HSPA12A: variants seen among roughly 807,000 people sequenced by gnomAD.
The protein encoded by HSPA12A is heat shock 70 kDa protein 12A.
In HSPA12A, 28 loss-of-function variants were observed where a neutral mutation model predicts 69.2. The ratio of observed to expected loss-of-function variants is 0.40; its 90% CI spans 0.30 to 0.55. The LOEUF is 0.55. Ranked by LOEUF, HSPA12A falls within the 20% of genes least tolerant of loss-of-function variation. HSPA12A has a pLI of 0.38. For missense variants in HSPA12A, 686 were observed against 900.7 expected (o/e 0.76, Z 3.05); for synonymous variants, 345 against 370.5 (o/e 0.93, Z 0.79).
At chr10:116,719,082 A>G (rs2133019624) in intron 1 of HSPA12A, among the ~76,000 whole-genome samples, 1 of 152,268 alleles carries the variant, frequency 6.6e-6, no homozygotes, top group Non-Finnish European at 1.5e-5. Flanking sequence ...CTGCCAAGAT[A>G]CTGCTGTGTC....
chr10:116,727,796 C>CA lies in HSPA12A; in HGVS notation c.40+14633dup, dbSNP rs1851021318. ...TTTTTTGGAAAGAGTCTTACTATGT[C>CA]ACCCAGGCTGGGGTGCAATGGCACA... On this transcript the variant is annotated intron_variant, in intron 1 of 11. Transcript: ENST00000369209. Among the ~76,000 whole-genome samples, 4 of 124,156 alleles carry CA rather than the reference C, an allele frequency of 3.2e-5. No homozygotes were observed. In the Admixed American group the frequency reaches 4.0e-4, roughly 12 times the overall value. The allele number at this position is 124,156 out of a possible 152,430, so 81.5% of individuals were successfully genotyped here.
exon 2 of HSPA12A, chr10:116,834,994 C>T (rs1244716141): frequency 1.6e-6 from 2 of 1,231,552 alleles, no homozygotes; most frequent in Non-Finnish European, 2.0e-6. Flanking sequence ...TTTACACCCA[C>T]AGAATCCGTA....
rs191811493 is a variant in HSPA12A at position 116,738,611 on chromosome 10, C to G, written c.40+3819G>C. Among the ~76,000 whole-genome samples the G allele has an allele frequency of 1.8e-3, 273 of 152,248 alleles. 2 individuals carry two copies. Among genetic ancestry groups the G allele is most frequent in the African/African-American group, 6.4e-3 (265 of 41,530 alleles). On this transcript the variant is annotated intron_variant, in intron 1 of 11. Coordinates refer to ENST00000369209, the MANE Select transcript of HSPA12A (RefSeq NM_025015.3). Reference sequence around the variant, plus strand: ...GAGGAGTCAATGAGATACAGGCATACAAAGCTGGCATATCGTAGGGCCTCA... The same window carrying G: ...GAGGAGTCAATGAGATACAGGCATAGAAAGCTGGCATATCGTAGGGCCTCA...
chr10:116,682,454 CTG>C, intron 7 of HSPA12A, among the ~76,000 whole-genome samples: 1 of 140,972 alleles, frequency 7.1e-6, no homozygotes, highest in African/African-American at 3.0e-5. Context: ...GGTAAATAGA[CTG>C]GGGGGGGGGG....
intron 6 of HSPA12A, among the ~76,000 whole-genome samples, chr10:116,690,428 C>T (rs549756853): frequency 2.6e-5 from 4 of 152,248 alleles, no homozygotes; most frequent in East Asian, 3.9e-4. Flanking sequence ...ATTGAATGAT[C>T]GCCGCCCTCT....
chr10:116,707,151 G>A lies in HSPA12A; in HGVS notation c.126+49C>T, dbSNP rs1638430. 9.3e-3 allele frequency: 9,490 copies of A among 1,017,812 alleles called. 246 individuals are homozygous for A. The highest frequency in any genetic ancestry group is 0.075 in the African/African-American group (2,801 of 37,144). The allele number at this position is 1,017,812 out of a possible 1,614,324, so 63.0% of individuals were successfully genotyped here. ...CACGTGTGCTCATGCGCACCCATGC[G>A]CGCACACACACACACACACACACAC... is the stretch of plus-strand genomic sequence containing the variant. On this transcript the variant is annotated intron_variant, in intron 2 of 11. Coordinates refer to ENST00000369209, the MANE Select transcript of HSPA12A (RefSeq NM_025015.3).
At chr10:116,811,750 C>T (rs931979607) in intron 2 of HSPA12A, among the ~76,000 whole-genome samples, 6 of 152,210 alleles carry the variant, frequency 3.9e-5, no homozygotes, top group African/African-American at 1.2e-4. Flanking sequence ...TGCCCATGAC[C>T]TCTGCACCCG....
chr10:116,709,659 G>A (rs1258075467), intron 1 of HSPA12A, among the ~76,000 whole-genome samples: 1 of 152,150 alleles, frequency 6.6e-6, no homozygotes, highest in East Asian at 1.9e-4. Context: ...AATTCACAGA[G>A]ACAGAAAGTA....
chr10:116,821,106 A>G (rs980855865), intron 2 of HSPA12A, among the ~76,000 whole-genome samples: 7 of 151,880 alleles, frequency 4.6e-5, no homozygotes, highest in African/African-American at 1.7e-4. Flanking sequence ...TCCTCTTGCC[A>G]CCCCACTTCC....
rs1195653315 is a variant in HSPA12A, at chr10:116,742,561, G to C, written c.-92C>G. ...CCGCGTCCGCGGCGGCGCTCGGGCC[G>C]TGTCTGAGCCGCCGGGCAGCGGGAG... is the stretch of plus-strand genomic sequence containing the variant. On this transcript the variant is annotated 5_prime_UTR_variant, in exon 1 of 12. Transcript: ENST00000369209. 5.2e-6 allele frequency: 6 copies of C among 1,159,582 alleles called. No individual in the cohort carries two copies. The East Asian group carries it at 2.4e-4, about 47-fold the overall frequency. 71.8% of individuals were successfully genotyped at this position (1,159,582 alleles called of 1,614,324 possible).
chr10:116,706,409 C>T (rs1329730734), intron 2 of HSPA12A, among the ~76,000 whole-genome samples: 1 of 152,126 alleles, frequency 6.6e-6, no homozygotes, highest in Non-Finnish European at 1.5e-5. Flanking sequence ...GGAACCAACC[C>T]TCCCAGTTTG....
intron 1 of HSPA12A, among the ~76,000 whole-genome samples, chr10:116,717,936 C>A (rs542877627): frequency 6.6e-6 from 1 of 152,044 alleles, no homozygotes; most frequent in Admixed American, 6.6e-5. Context: ...CCCCAGTTTG[C>A]CCCCCAAGCT....
At chr10:116,702,775 TCATATTAG>T (rs1436588744) in intron 3 of HSPA12A, among the ~76,000 whole-genome samples, 1 of 152,216 alleles carries the variant, frequency 6.6e-6, no homozygotes, top group Admixed American at 6.5e-5. Flanking sequence ...TTATAACTTG[TCATATTAG>T]CATCATTATG....
At chr10:116,776,931 G>A (rs1452699122) in intron 2 of HSPA12A, among the ~76,000 whole-genome samples, 2 of 152,228 alleles carry the variant, frequency 1.3e-5, no homozygotes, top group African/African-American at 4.8e-5. Flanking sequence ...TCGAGAATGG[G>A]AGATATTGAC....
intron 10 of HSPA12A, among the ~76,000 whole-genome samples, chr10:116,678,356 A>AG (rs1486563467): frequency 2.7e-5 from 4 of 150,380 alleles, no homozygotes; most frequent in African/African-American, 9.7e-5. Flanking sequence ...TGCAAAAAAA[A>AG]AAAAAAAAAA....
At chr10:116,831,010 T>C (rs1589730535) in intron 2 of HSPA12A, 1 of 152,578 alleles carries the variant, frequency 6.6e-6, no homozygotes, top group South Asian at 2.1e-4. Flanking sequence ...AAGTACATTC[T>C]ATGATGTTCA....
chr10:116,696,014 A>AAAAAAAAAAAAAAAAAAAAT (rs1849890713), intron 5 of HSPA12A, among the ~76,000 whole-genome samples: 1 of 147,200 alleles, frequency 6.8e-6, no homozygotes, highest in Non-Finnish European at 1.5e-5. Context: ...AAAAAAAAAA[A>AAAAAAAAAAAAAAAAAAAAT]AAAAAAAAAG....
chr10:116,850,655 G>A (rs773734525), upstream of HSPA12A, among the ~76,000 whole-genome samples: 1 of 152,024 alleles, frequency 6.6e-6, no homozygotes, highest in Non-Finnish European at 1.5e-5. Flanking sequence ...TATTGAGGCA[G>A]TTGATATAAA....
At chr10:116,841,631 T>C (rs914488692) in intron 1 of HSPA12A, among the ~76,000 whole-genome samples, 53 of 152,170 alleles carry the variant, frequency 3.5e-4, no homozygotes, top group African/African-American at 1.1e-3. Context: ...TAATAATTTA[T>C]AGATGTTTGT....
Sources: gnomAD v4.1 joint callset for allele counts (sites outside exome capture counted in the v4.1 genomes callset) on GRCh38, gnomAD v4.1.1 for gene constraint, MANE v1.5 for transcripts, NCBI Gene and HGNC (gene_info 2026-07-23, HGNC 2026-07-21) for gene names.